The following OR9Q1 variants were observed in gnomAD, a reference collection of about 807,000 sequenced individuals.
The protein encoded by OR9Q1 is olfactory receptor 9Q1.
For synonymous variants in OR9Q1, 153 were observed against 148.6 expected (o/e 1.03, Z -0.22); for missense variants, 374 against 378.8 (o/e 0.99, Z 0.11).
At chr11:58,130,546 C>T (rs897785369) in intron 2 of OR9Q1, among the ~76,000 whole-genome samples, 1 of 152,046 alleles carries the variant, frequency 6.6e-6, no homozygotes, top group African/African-American at 2.4e-5. Flanking sequence ...AATCCCAGCA[C>T]TTTGGGAAGC....
chr11:58,127,455 T>A (rs1408970281), intron 2 of OR9Q1, among the ~76,000 whole-genome samples: 1 of 152,164 alleles, frequency 6.6e-6, no homozygotes, highest in African/African-American at 2.4e-5. Context: ...TTGGCCTGAT[T>A]CTTAGAGTAA....
At chr11:58,031,021 T>C in intron 1 of OR9Q1, 1 of 1,614,190 alleles carries the variant, frequency 6.2e-7, no homozygotes, top group South Asian at 1.1e-5. Context: ...CTGGCATCCA[T>C]GAAGCACACC....
intron 2 of OR9Q1, among the ~76,000 whole-genome samples, chr11:58,098,974 T>C (rs1341674234): frequency 1.3e-5 from 2 of 152,122 alleles, no homozygotes; most frequent in African/African-American, 2.4e-5. Context: ...TTTAGGAGTG[T>C]GTTGTTCAAT....
chr11:58,136,992 A>T lies in OR9Q1; in HGVS notation c.-14-42439A>T, dbSNP rs1363507976. ...CCATAGATCAGTCTGATTTAGGTTG[A>T]ACCACAGTTTATGCACTGTCTTTCC... On this transcript the variant is annotated intron_variant, in intron 2 of 2. Coordinates refer to ENST00000335397, the MANE Select transcript of OR9Q1 (RefSeq NM_001005212.4). 5.3e-5 allele frequency among the ~76,000 whole-genome samples: 8 copies of T among 152,286 alleles called. No homozygotes were observed. The East Asian group carries it at 1.5e-3, about 29-fold the overall frequency.
intron 1 of OR9Q1, chr11:58,031,908 G>A (rs1464335728): frequency 6.4e-7 from 1 of 1,574,552 alleles, no homozygotes; most frequent in East Asian, 2.2e-5. Flanking sequence ...GGACAGTGAG[G>A]AGGCAGGTGG....
chr11:58,109,006 A>G (rs144423426), intron 2 of OR9Q1: 1 of 434,504 alleles, frequency 2.3e-6, no homozygotes, highest in Non-Finnish European at 4.7e-6. Flanking sequence ...GATAATGAGC[A>G]TGTAGCAGAT....
At chr11:58,029,426 C>T (rs548701308) in intron 1 of OR9Q1, among the ~76,000 whole-genome samples, 1 of 152,254 alleles carries the variant, frequency 6.6e-6, no homozygotes, top group Non-Finnish European at 1.5e-5. Context: ...CATCACTTCC[C>T]CCTTATTCTG....
chr11:58,173,511 C>A (rs944829165), intron 2 of OR9Q1, among the ~76,000 whole-genome samples: 3 of 151,700 alleles, frequency 2.0e-5, no homozygotes, highest in Non-Finnish European at 4.4e-5. Flanking sequence ...GTATATGTGC[C>A]ACATTTTCTT....
chr11:58,034,987 C>T (rs1209971575), intron 1 of OR9Q1, among the ~76,000 whole-genome samples: 1 of 151,872 alleles, frequency 6.6e-6, no homozygotes, highest in Non-Finnish European at 1.5e-5. Context: ...AGCATCAAAC[C>T]TGGCTAATTT....
In OR9Q1 at chr11:58,158,324, T is replaced by C. The variant is rs547920026; in HGVS notation, c.-14-21107T>C. ...GGTTAAAATTCTCCAGAGAATAAAC[T>C]TGGGTCAACAGGCCAGCCACACTCT... On this transcript the variant is annotated intron_variant, in intron 2 of 2. Coordinates refer to ENST00000335397, the MANE Select transcript of OR9Q1 (RefSeq NM_001005212.4). Among the ~76,000 whole-genome samples the C allele has an allele frequency of 1.2e-4, 18 of 152,234 alleles. No homozygotes were observed. In the South Asian group the frequency reaches 3.5e-3, roughly 30 times the overall value.
At chr11:58,053,479 A>G (rs1853289198) in intron 1 of OR9Q1, among the ~76,000 whole-genome samples, 1 of 141,124 alleles carries the variant, frequency 7.1e-6, no homozygotes, top group Admixed American at 7.1e-5. Flanking sequence ...GGATAGCATT[A>G]GGAGATATAC....
rs1280966628 is a variant in OR9Q1 at position 58,083,945 on chromosome 11, C to CT, written c.-15+28004dup. Among the ~76,000 whole-genome samples the CT allele has an allele frequency of 2.0e-5, 3 of 151,812 alleles. No individual in the cohort carries two copies. In the East Asian group the frequency reaches 5.8e-4, roughly 29 times the overall value. On this transcript the variant is annotated intron_variant, in intron 2 of 2. Coordinates refer to ENST00000335397, the MANE Select transcript of OR9Q1 (RefSeq NM_001005212.4). ...TATGATTGCTTTGACCATTTGGTCTCTTTTTTCTTCCATATGAATTTTAGA... is the reference window on the plus strand; with the variant it reads ...TATGATTGCTTTGACCATTTGGTCTCTTTTTTTCTTCCATATGAATTTTAGA...
chr11:58,024,737 T>C (rs1178285697), intron 1 of OR9Q1, among the ~76,000 whole-genome samples: 1 of 152,146 alleles, frequency 6.6e-6, no homozygotes. Flanking sequence ...CCCTGAACCT[T>C]GGAGAGGAAG....
intron 2 of OR9Q1, among the ~76,000 whole-genome samples, chr11:58,106,496 T>C (rs1853841785): frequency 6.6e-6 from 1 of 152,174 alleles, no homozygotes; most frequent in African/African-American, 2.4e-5. Flanking sequence ...AGGTATTTGG[T>C]TTGATGTAGT....
intron 2 of OR9Q1, among the ~76,000 whole-genome samples, chr11:58,108,491 C>T (rs568548320): frequency 6.6e-6 from 1 of 152,064 alleles, no homozygotes; most frequent in South Asian, 2.1e-4. Context: ...TTTGGGAGGG[C>T]TAAGGAGAGA....
chr11:58,074,928 T>C (rs1336361288), intron 2 of OR9Q1, among the ~76,000 whole-genome samples: 3 of 152,204 alleles, frequency 2.0e-5, no homozygotes, highest in Admixed American at 6.5e-5. Context: ...ATGTGTGGTG[T>C]TATTTCTGAG....
chr11:58,031,177 C>T lies in OR9Q1; in HGVS notation c.-93+7073C>T, dbSNP rs140055825. On this transcript the variant is annotated intron_variant, in intron 1 of 2. Transcript: ENST00000335397. The stretch of plus-strand genomic sequence containing the variant: ...ACTTGTCCTGCCTTGAAATCTGGTA[C>T]ACTTCTGTTACAGTGCCCAAGATGC... 92 of 1,614,142 alleles carry T rather than the reference C, an allele frequency of 5.7e-5. 2 individuals are homozygous for T. The South Asian group carries it at 7.9e-4, about 14-fold the overall frequency.
chr11:58,101,303 T>C (rs914370969), intron 2 of OR9Q1, among the ~76,000 whole-genome samples: 2 of 152,174 alleles, frequency 1.3e-5, no homozygotes, highest in African/African-American at 4.8e-5. Context: ...ACATTTATTG[T>C]TTTTTGACTT....
intron 2 of OR9Q1, among the ~76,000 whole-genome samples, chr11:58,158,499 C>T (rs1448050494): frequency 2.0e-5 from 3 of 147,006 alleles, no homozygotes; most frequent in Non-Finnish European, 4.4e-5. Flanking sequence ...CTAATCATGT[C>T]TATTACACAG....
Sources: gnomAD v4.1 joint callset for allele counts (sites outside exome capture counted in the v4.1 genomes callset) on GRCh38, gnomAD v4.1.1 for gene constraint, MANE v1.5 for transcripts, NCBI Gene and HGNC (gene_info 2026-07-23, HGNC 2026-07-21) for gene names.